The following AGMO variants were observed in gnomAD, a reference collection of about 807,000 sequenced individuals.
AGMO encodes the protein glyceryl-ether monooxygenase.
In AGMO, 75 loss-of-function variants were observed where a neutral mutation model predicts 60.2. That is an observed-to-expected ratio of 1.25 (90% CI 1.03 to 1.51). The LOEUF is 1.51. AGMO is among the 40% of genes most tolerant of loss of function. The pLI, the probability that AGMO is intolerant of heterozygous loss-of-function variation, is 0.00. For synonymous variants in AGMO, 261 were observed against 177.1 expected, an observed-to-expected ratio of 1.47 and a Z score of -3.76; for missense variants, 763 against 525.5, an observed-to-expected ratio of 1.45 and a Z score of -4.42.
intron 12 of AGMO, among the ~76,000 whole-genome samples, chr7:15,318,328 C>G (rs1044166091): frequency 3.9e-5 from 6 of 151,996 alleles, no homozygotes; most frequent in Admixed American, 1.3e-4. Flanking sequence ...ATTATGAAGT[C>G]TTGGCATTAT....
chr7:15,146,686 C>T, the AGMO span, among the ~76,000 whole-genome samples: 1 of 152,114 alleles, frequency 6.6e-6, no homozygotes, highest in Admixed American at 6.6e-5. Context: ...GGACAGGGCA[C>T]GAGAATTTAA....
chr7:15,202,929 G>A (rs1008477785), intron 12 of AGMO, among the ~76,000 whole-genome samples: 1 of 152,136 alleles, frequency 6.6e-6, no homozygotes, highest in Non-Finnish European at 1.5e-5. Context: ...GGGGCGCTGA[G>A]AAGATAGCTT....
chr7:15,148,433 G>A, the AGMO span, among the ~76,000 whole-genome samples: 1 of 152,072 alleles, frequency 6.6e-6, no homozygotes, highest in African/African-American at 2.4e-5. Context: ...CATCACCCAG[G>A]TAGTGAGCAT....
the AGMO span, among the ~76,000 whole-genome samples, chr7:15,179,976 A>T: frequency 6.6e-6 from 1 of 152,064 alleles, no homozygotes; most frequent in African/African-American, 2.4e-5. Flanking sequence ...TGAGTGGCAA[A>T]CCTATGGGGC....
At chr7:15,458,803 C>T (rs1782060597) in intron 3 of AGMO, among the ~76,000 whole-genome samples, 1 of 152,124 alleles carries the variant, frequency 6.6e-6, no homozygotes, top group Admixed American at 6.6e-5. Context: ...AATTGCAGGG[C>T]CAAGTCAGGA....
chr7:15,560,707 C>T (rs1785281110), intron 1 of AGMO, among the ~76,000 whole-genome samples: 1 of 152,092 alleles, frequency 6.6e-6, no homozygotes, highest in African/African-American at 2.4e-5. Context: ...AGAACTATTT[C>T]TAATGATGAA....
Position 15,497,073 on chromosome 7 carries a change from T to C in AGMO, c.409+47699A>G, listed in dbSNP as rs116077268. Among the ~76,000 whole-genome samples the C allele has an allele frequency of 4.4e-3, 664 of 152,248 alleles. 5 individuals carry two copies. The highest frequency in any genetic ancestry group is 0.015 in the African/African-American group (632 of 41,570). ...AGGTGTGCCATAGAAGAAGAAGATA[T>C]GAGCTGGAAGTCAGAGGACTGGAGC... On this transcript the variant is annotated intron_variant, in intron 3 of 12. Coordinates refer to ENST00000342526, the MANE Select transcript of AGMO (RefSeq NM_001004320.2).
chr7:15,140,635 C>G, the AGMO span, among the ~76,000 whole-genome samples: 5 of 151,946 alleles, frequency 3.3e-5, no homozygotes, highest in Non-Finnish European at 7.4e-5. Flanking sequence ...TCTAGTTCAT[C>G]GGTTCTCTCT....
chr7:15,368,613 GTGTT>G (rs1366135752), intron 10 of AGMO, among the ~76,000 whole-genome samples: 4 of 152,196 alleles, frequency 2.6e-5, no homozygotes, highest in East Asian at 1.9e-4. Context: ...ACTTAAAAGA[GTGTT>G]TGGCACAGAG....
chr7:15,438,612 G>T (rs554682288), intron 3 of AGMO, among the ~76,000 whole-genome samples: 1 of 152,092 alleles, frequency 6.6e-6, no homozygotes, highest in African/African-American at 2.4e-5. Context: ...TAAAGAACTC[G>T]TGTGCCTTCT....
chr7:15,229,696 A>C (rs1782195884), intron 12 of AGMO, among the ~76,000 whole-genome samples: 1 of 142,008 alleles, frequency 7.0e-6, no homozygotes, highest in African/African-American at 2.7e-5. Context: ...ATATATAACT[A>C]ATTATTTATA....
intron 12 of AGMO, among the ~76,000 whole-genome samples, chr7:15,350,320 T>C (rs1020993134): frequency 1.3e-5 from 2 of 152,208 alleles, no homozygotes; most frequent in Admixed American, 6.5e-5. Context: ...ATTCAGCAAA[T>C]ATAAAATCAG....
chr7:15,348,617 C>A (rs189019167), intron 12 of AGMO, among the ~76,000 whole-genome samples: 13 of 151,990 alleles, frequency 8.6e-5, no homozygotes, highest in Admixed American at 8.5e-4. Context: ...CTTTGTAACA[C>A]TCGTGTATCT....
the AGMO span, among the ~76,000 whole-genome samples, chr7:15,182,907 C>T: frequency 2.0e-5 from 3 of 151,998 alleles, no homozygotes; most frequent in Non-Finnish European, 2.9e-5. Context: ...CTTATAAGGC[C>T]ATACAGGAGG....
intron 3 of AGMO, among the ~76,000 whole-genome samples, chr7:15,501,968 C>T (rs1057491360): frequency 6.6e-6 from 1 of 151,958 alleles, no homozygotes; most frequent in Non-Finnish European, 1.5e-5. Context: ...ATCAAACTTG[C>T]CCAGAGAATA....
intron 3 of AGMO, among the ~76,000 whole-genome samples, chr7:15,456,460 C>T (rs921089506): frequency 6.6e-6 from 1 of 152,038 alleles, no homozygotes; most frequent in Non-Finnish European, 1.5e-5. Flanking sequence ...TTCAGGGATT[C>T]TTGAGGCCAG....
chr7:15,471,741 G>A (rs180977253), intron 3 of AGMO, among the ~76,000 whole-genome samples: 266 of 151,932 alleles, frequency 1.8e-3, no homozygotes, highest in Non-Finnish European at 3.4e-3. Flanking sequence ...ACCAGATAAT[G>A]TTTCACCTGT....
intron 12 of AGMO, among the ~76,000 whole-genome samples, chr7:15,350,161 T>C (rs1306232537): frequency 6.6e-6 from 1 of 152,170 alleles, no homozygotes; most frequent in East Asian, 1.9e-4. Context: ...CATTTCATCA[T>C]AGTAATTTAA....
At chr7:15,159,599 C>T in the AGMO span, among the ~76,000 whole-genome samples, 1 of 152,074 alleles carries the variant, frequency 6.6e-6, no homozygotes, top group Admixed American at 6.6e-5. Context: ...GGAGTAAGCA[C>T]AACATGAAAG....
Sources: allele counts gnomAD v4.1 joint callset (sites outside exome capture counted in the v4.1 genomes callset), GRCh38; gene constraint gnomAD v4.1.1; transcripts MANE v1.5; gene names NCBI Gene and HGNC (gene_info 2026-07-23, HGNC 2026-07-21).